Variants in SGCG observed in about 807,000 individuals in gnomAD.
SGCG encodes sarcoglycan gamma.
SGCG carries 26 observed loss-of-function variants against 29.3 expected under a neutral mutation model. The ratio of observed to expected loss-of-function variants is 0.89; its 90% confidence interval spans 0.65 to 1.23. The LOEUF is 1.23. Among genes scored for constraint, SGCG ranks in the 50% most tolerant of loss-of-function variants. SGCG has a pLI of 0.00. For synonymous variants in SGCG, 145 were observed against 129.7 expected, an observed-to-expected ratio of 1.12 and a Z score of -0.80; for missense variants, 353 against 356.0, an observed-to-expected ratio of 0.99 and a Z score of 0.07.
chr13:23,322,785 C>CCT (rs1883100071), intron 7 of SGCG, among the ~76,000 whole-genome samples: 2 of 115,346 alleles, frequency 1.7e-5, no homozygotes, highest in African/African-American at 6.6e-5. Context: ...CCCCCCCCCC[C>CCT]CCCCGCCAAC....
intron 2 of SGCG, among the ~76,000 whole-genome samples, chr13:23,223,033 C>G (rs951268318): frequency 6.6e-6 from 1 of 152,032 alleles, no homozygotes; most frequent in Non-Finnish European, 1.5e-5. Flanking sequence ...AATCCCAGCA[C>G]TTTGGGAGGC....
the SGCG span, among the ~76,000 whole-genome samples, chr13:23,166,188 C>A: frequency 4.2e-3 from 646 of 152,134 alleles, 2 homozygotes; most frequent in Non-Finnish European, 6.5e-3. Context: ...TGTACAAATT[C>A]TTTATCAATT....
At position 23,324,777 on chromosome 13, in the gene SGCG, A is replaced by G. The variant is rs1161289340; in HGVS notation, c.*236A>G. On this transcript the variant is annotated 3_prime_UTR_variant, in exon 8 of 8. Transcript: ENST00000218867. Reference sequence around the variant, plus strand: ...AAATGGAAAAGCAATGTGTTTTTCCACTGGATTAATTTTCACCGGAACAAT... The same window carrying G: ...AAATGGAAAAGCAATGTGTTTTTCCGCTGGATTAATTTTCACCGGAACAAT... 1.9e-6 allele frequency: 1 copy of G among 534,952 alleles called. No homozygotes were observed. The highest frequency in any genetic ancestry group is 1.9e-5 in the African/African-American group (1 of 52,430). The allele number at this position is 534,952 out of a possible 1,614,324, so 33.1% of individuals were successfully genotyped here.
At chr13:23,167,647 G>A in the SGCG span, among the ~76,000 whole-genome samples, 14 of 151,994 alleles carry the variant, frequency 9.2e-5, no homozygotes, top group African/African-American at 3.1e-4. Context: ...TTCCTCTGAT[G>A]ATCAATGATG....
intron 5 of SGCG, among the ~76,000 whole-genome samples, chr13:23,285,668 C>A (rs1276463244): frequency 8.5e-5 from 13 of 152,186 alleles, no homozygotes; most frequent in African/African-American, 2.9e-4. Flanking sequence ...AAAAAAAACT[C>A]CTGCAGCTAG....
chr13:23,301,903 GAAAAGA>G (rs1566038808), intron 6 of SGCG, among the ~76,000 whole-genome samples: 1 of 15,420 alleles, frequency 6.5e-5, no homozygotes. Context: ...AAAAAAAAAA[GAAAAGA>G]AAAAAAATCA....
At chr13:23,312,592 G>A (rs1882643026) in intron 6 of SGCG, among the ~76,000 whole-genome samples, 1 of 152,180 alleles carries the variant, frequency 6.6e-6, no homozygotes, top group African/African-American at 2.4e-5. Context: ...TGGAATGATA[G>A]CCGTAGCAGG....
At chr13:23,253,630 T>C (rs1002889459) in intron 4 of SGCG, among the ~76,000 whole-genome samples, 2 of 152,218 alleles carry the variant, frequency 1.3e-5, no homozygotes, top group African/African-American at 4.8e-5. Flanking sequence ...TTCAATACAG[T>C]CAAAACCAAA....
At chr13:23,230,369 T>C (rs546470375) in intron 2 of SGCG, among the ~76,000 whole-genome samples, 2 of 152,348 alleles carry the variant, frequency 1.3e-5, no homozygotes, top group South Asian at 2.1e-4. Context: ...GTAAATTGCT[T>C]TGGGCAGTAT....
At chr13:23,290,307 T>C (rs1320108728) in intron 5 of SGCG, among the ~76,000 whole-genome samples, 2 of 152,106 alleles carry the variant, frequency 1.3e-5, no homozygotes, top group Non-Finnish European at 2.9e-5. Context: ...AGACTAGAGA[T>C]AAATGTGGGT....
chr13:23,162,955 AAAAGAT>A, the SGCG span, among the ~76,000 whole-genome samples: 3 of 152,228 alleles, frequency 2.0e-5, no homozygotes, highest in African/African-American at 4.8e-5. Context: ...AGTTAACTAA[AAAAGAT>A]AAAGATAATT....
intron 5 of SGCG, among the ~76,000 whole-genome samples, chr13:23,292,722 G>A (rs1268596508): frequency 6.6e-6 from 1 of 152,046 alleles, no homozygotes; most frequent in Non-Finnish European, 1.5e-5. Flanking sequence ...CATTCCTTTT[G>A]TTTTTATATC....
At chr13:23,208,896 T>G (rs1168339065) in intron 2 of SGCG, among the ~76,000 whole-genome samples, 1 of 152,136 alleles carries the variant, frequency 6.6e-6, no homozygotes, top group African/African-American at 2.4e-5. Context: ...ATAATATACA[T>G]GGGTCATATC....
At chr13:23,201,344 A>T (rs1225458464) in intron 1 of SGCG, among the ~76,000 whole-genome samples, 2 of 139,772 alleles carry the variant, frequency 1.4e-5, no homozygotes, top group African/African-American at 5.4e-5. Context: ...AACCCCTGGA[A>T]CCTGTGAAGA....
chr13:23,269,830 T>C (rs1880789881), intron 4 of SGCG, among the ~76,000 whole-genome samples: 1 of 147,876 alleles, frequency 6.8e-6, no homozygotes, highest in African/African-American at 2.5e-5. Context: ...CAATTGCATA[T>C]GTATTTTGTT....
At chr13:23,200,770 C>T (rs1252665148) in intron 1 of SGCG, among the ~76,000 whole-genome samples, 1 of 152,006 alleles carries the variant, frequency 6.6e-6, no homozygotes, top group Admixed American at 6.6e-5. Context: ...GCGATCTTTG[C>T]ACAGAGAGTT....
At chr13:23,249,001 A>AG (rs1176294254) in intron 3 of SGCG, among the ~76,000 whole-genome samples, 28 of 146,254 alleles carry the variant, frequency 1.9e-4, no homozygotes, top group Admixed American at 1.4e-3. Flanking sequence ...AGAAAAGAAA[A>AG]AAAAAAAAAA....
At chr13:23,165,739 G>T in the SGCG span, among the ~76,000 whole-genome samples, 1 of 151,960 alleles carries the variant, frequency 6.6e-6, no homozygotes, top group Non-Finnish European at 1.5e-5. Flanking sequence ...ATTGGTCAGG[G>T]TGGTCTCGAA....
At chr13:23,312,917 G>A (rs1029669168) in intron 6 of SGCG, among the ~76,000 whole-genome samples, 15 of 152,196 alleles carry the variant, frequency 9.9e-5, no homozygotes, top group African/African-American at 3.6e-4. Context: ...TTAGTGCTGA[G>A]TACATGTATT....
Sources: gnomAD v4.1 joint callset for allele counts (sites outside exome capture counted in the v4.1 genomes callset) on GRCh38, gnomAD v4.1.1 for gene constraint, MANE v1.5 for transcripts, NCBI Gene and HGNC (gene_info 2026-07-23, HGNC 2026-07-21) for gene names.